CEP112: variants seen among roughly 807,000 people sequenced by gnomAD.
The protein encoded by CEP112 is centrosomal protein of 112 kDa.
In CEP112, 127 loss-of-function variants were observed where a neutral mutation model predicts 153.0. The ratio of observed to expected loss-of-function variants is 0.83; its 90% CI spans 0.72 to 0.96. The LOEUF (loss-of-function observed/expected upper bound fraction) is 0.96, where lower values mean the gene tolerates loss of function less well. Ranked by LOEUF, CEP112 falls within the 40% of genes least tolerant of loss-of-function variation. CEP112 has a pLI of 0.00. For missense variants in CEP112, 1,089 were observed against 1,101.2 expected (o/e 0.99, Z 0.16); for synonymous variants, 358 against 374.4 (o/e 0.96, Z 0.51).
At chr17:65,881,108 G>A (rs1009104069) in intron 20 of CEP112, among the ~76,000 whole-genome samples, 6 of 152,058 alleles carry the variant, frequency 3.9e-5, no homozygotes, top group South Asian at 2.1e-4. Context: ...CCAGCTACTC[G>A]GGAGGCTGAG....
At chr17:65,979,610 T>C (rs2063157980) in intron 17 of CEP112, among the ~76,000 whole-genome samples, 1 of 152,122 alleles carries the variant, frequency 6.6e-6, no homozygotes, top group Non-Finnish European at 1.5e-5. Flanking sequence ...AATACAAAAC[T>C]GAATACCTTA....
chr17:66,158,861 C>A (rs2071567582), intron 4 of CEP112, among the ~76,000 whole-genome samples: 1 of 152,010 alleles, frequency 6.6e-6, no homozygotes, highest in Non-Finnish European at 1.5e-5. Flanking sequence ...CAGAGCAGAA[C>A]TGAAGGAGAT....
intron 23 of CEP112, among the ~76,000 whole-genome samples, chr17:65,704,581 G>T (rs919126503): frequency 6.6e-6 from 1 of 151,946 alleles, no homozygotes. Flanking sequence ...TTGATCTATC[G>T]GTATTTTCTT....
intron 21 of CEP112, among the ~76,000 whole-genome samples, chr17:65,831,850 A>C (rs1318985006): frequency 2.0e-5 from 3 of 152,172 alleles, no homozygotes; most frequent in Non-Finnish European, 2.9e-5. Flanking sequence ...TGAGTGAAGA[A>C]AGCTTACAAG....
intron 23 of CEP112, among the ~76,000 whole-genome samples, chr17:65,691,713 T>A (rs971961144): frequency 5.3e-5 from 8 of 152,230 alleles, no homozygotes; most frequent in African/African-American, 1.9e-4. Flanking sequence ...CCCCACCCCC[T>A]ACTTTCATAG....
At chr17:65,958,034 C>CA (rs1242209093) in intron 18 of CEP112, among the ~76,000 whole-genome samples, 1 of 152,004 alleles carries the variant, frequency 6.6e-6, no homozygotes, top group Non-Finnish European at 1.5e-5. Flanking sequence ...CCTTCCTTTT[C>CA]AAAAAATCAA....
Position 66,005,781 on chromosome 17 carries a change from A to G in CEP112, c.1657-12T>C, listed in dbSNP as rs771180211. Reference sequence around the variant, plus strand: ...TGCAAGTCATGAGCCTGCCATGACAAGAACATGGAAAATTTATTGGAAGAC... The same window carrying G: ...TGCAAGTCATGAGCCTGCCATGACAGGAACATGGAAAATTTATTGGAAGAC... On this transcript the variant is annotated splice_polypyrimidine_tract_variant and intron_variant, in intron 16 of 26. Transcript: ENST00000535342. The G allele has an allele frequency of 1.3e-6, 2 of 1,589,946 alleles. No individual in the cohort carries two copies. The highest frequency in any genetic ancestry group is 4.5e-5 in the East Asian group (2 of 44,144).
chr17:66,029,208 T>C lies in CEP112; in HGVS notation c.1418A>G (p.Tyr473Cys). ...TTGTAACAGTTTCATGTTTTGCTCA[T>C]AATCATTTACAAGATGGTCCTTCTC... Reference protein sequence around the residue: ...HKEKDHLVNDYEQNMKLLQTK... With the variant: ...HKEKDHLVNDCEQNMKLLQTK... Residue 473 changes from tyrosine to cysteine, a missense_variant, in exon 14 of 27, where the codon TAT (tyrosine) becomes TGT (cysteine). Transcript: ENST00000535342. The C allele has an allele frequency of 6.2e-7, 1 of 1,611,720 alleles. No individual in the cohort carries two copies. Among genetic ancestry groups the C allele is most frequent in the Non-Finnish European group, 8.5e-7 (1 of 1,178,214 alleles).
chr17:65,748,456 A>C (rs2051606646), intron 22 of CEP112, among the ~76,000 whole-genome samples: 1 of 152,154 alleles, frequency 6.6e-6, no homozygotes, highest in Non-Finnish European at 1.5e-5. Context: ...ACACCCAAAA[A>C]CATGGTGTCT....
At chr17:65,691,272 A>G (rs2048094546) in intron 23 of CEP112, among the ~76,000 whole-genome samples, 1 of 152,210 alleles carries the variant, frequency 6.6e-6, no homozygotes, top group Non-Finnish European at 1.5e-5. Context: ...ATTAGTGTCC[A>G]TTAAAGATTC....
intron 21 of CEP112, among the ~76,000 whole-genome samples, chr17:65,812,822 T>C (rs2056058229): frequency 6.6e-6 from 1 of 152,138 alleles, no homozygotes; most frequent in Admixed American, 6.6e-5. Context: ...CAGATGCCAA[T>C]GCAAAATTAA....
At chr17:66,029,296 C>T (rs1324301545) in intron 13 of CEP112, 44 bp from the exon 14 acceptor site, 3 of 1,544,654 alleles carry the variant, frequency 1.9e-6, no homozygotes, top group Non-Finnish European at 2.6e-6. Flanking sequence ...TATTTAAAAC[C>T]AATCTCTAAA....
intron 24 of CEP112, chr17:65,644,424 G>C (rs2045320313): frequency 6.0e-6 from 3 of 497,490 alleles, no homozygotes; most frequent in Non-Finnish European, 1.1e-5. Flanking sequence ...TCAAGGCTTA[G>C]CTCGGTTGCA....
At chr17:66,142,442 GC>G (rs1251275861) in intron 4 of CEP112, among the ~76,000 whole-genome samples, 1 of 152,148 alleles carries the variant, frequency 6.6e-6, no homozygotes, top group Non-Finnish European at 1.5e-5. Context: ...ATGTCAAGAA[GC>G]TTTCCCCCTA....
chr17:66,177,237 T>C (rs1419540477), intron 2 of CEP112, among the ~76,000 whole-genome samples: 1 of 152,136 alleles, frequency 6.6e-6, no homozygotes, highest in Non-Finnish European at 1.5e-5. Flanking sequence ...AGACCATAAG[T>C]AAACAAATGG....
chr17:66,037,211 C>G (rs2065775539), intron 12 of CEP112, among the ~76,000 whole-genome samples: 1 of 152,116 alleles, frequency 6.6e-6, no homozygotes. Context: ...TAAACATATA[C>G]TTTAGTTAGC....
chr17:65,796,500 T>G (rs2054919296), intron 21 of CEP112, among the ~76,000 whole-genome samples: 2 of 152,164 alleles, frequency 1.3e-5, no homozygotes, highest in South Asian at 4.1e-4. Flanking sequence ...CATTTAAATT[T>G]CTTCTACGTA....
intron 8 of CEP112, among the ~76,000 whole-genome samples, chr17:66,084,674 TGGGAAGGCAGGG>T (rs2067848686): frequency 6.6e-6 from 1 of 151,680 alleles, no homozygotes; most frequent in Non-Finnish European, 1.5e-5. Context: ...GAAAGGGTAG[TGGGAAGGCAGGG>T]GGGGAGTTGG....
intron 21 of CEP112, among the ~76,000 whole-genome samples, chr17:65,835,632 T>C (rs148412383): frequency 2.0e-5 from 3 of 152,086 alleles, no homozygotes; most frequent in African/African-American, 7.2e-5. Context: ...TCTTCAAAAA[T>C]GAAGGAAAGA....
Sources: gnomAD v4.1 joint callset for allele counts (sites outside exome capture counted in the v4.1 genomes callset) on GRCh38, gnomAD v4.1.1 for gene constraint, MANE v1.5 for transcripts, NCBI Gene and HGNC (gene_info 2026-07-23, HGNC 2026-07-21) for gene names.